Variants in RGL1 observed in about 807,000 individuals in gnomAD.
The protein encoded by RGL1 is ral guanine nucleotide dissociation stimulator like 1.
Under a neutral mutation model 95.2 loss-of-function variants are expected in RGL1, and 24 were observed. The ratio of observed to expected loss-of-function variants is 0.25; its 90% CI spans 0.18 to 0.35. RGL1 has a LOEUF of 0.35. Among genes scored for constraint, RGL1 ranks in the 10% least tolerant of loss-of-function variants. The pLI, the probability that RGL1 is intolerant of heterozygous loss-of-function variation, is 1.00. For missense variants in RGL1, 715 were observed against 936.3 expected, an observed-to-expected ratio of 0.76 and a Z score of 3.08; for synonymous variants, 329 against 344.9, an observed-to-expected ratio of 0.95 and a Z score of 0.51.
intron 10 of RGL1, among the ~76,000 whole-genome samples, chr1:183,899,916 G>A (rs185076126): frequency 1.0e-3 from 153 of 152,318 alleles, no homozygotes; most frequent in African/African-American, 3.5e-3. Flanking sequence ...TTGAACAGAT[G>A]TGTATGATCT....
In RGL1 at chr1:183,702,586, G is replaced by T. The variant is rs559952288; in HGVS notation, c.-32-39540G>T. 2.6e-5 allele frequency among the ~76,000 whole-genome samples: 4 copies of T among 152,286 alleles called. No homozygotes were observed. The East Asian group carries it at 7.7e-4, about 29-fold the overall frequency. On this transcript the variant is annotated intron_variant, in intron 1 of 18. Transcript: ENST00000304685. Reference sequence around the variant, plus strand: ...AGGCTACCAGTAAGGTTGGGCTGAGGCATTGTACTGGCTGTCAGGCGTGTC... The same window carrying T: ...AGGCTACCAGTAAGGTTGGGCTGAGTCATTGTACTGGCTGTCAGGCGTGTC...
chr1:183,767,456 T>G (rs1247017574), intron 2 of RGL1, among the ~76,000 whole-genome samples: 1 of 152,188 alleles, frequency 6.6e-6, no homozygotes, highest in South Asian at 2.1e-4. Context: ...GCTCCTGATA[T>G]GCAAATGAAT....
intron 10 of RGL1, among the ~76,000 whole-genome samples, chr1:183,899,806 T>C (rs112780370): frequency 0.031 from 4,716 of 152,304 alleles, 76 homozygotes; most frequent in South Asian, 0.045. Context: ...GACTATCCAG[T>C]GCCATCCCCA....
At chr1:183,811,267 G>A (rs1661694258) in intron 2 of RGL1, among the ~76,000 whole-genome samples, 1 of 152,108 alleles carries the variant, frequency 6.6e-6, no homozygotes, top group Non-Finnish European at 1.5e-5. Flanking sequence ...AGGTCCAGTT[G>A]TACTTCTCTT....
At chr1:183,728,864 T>A (rs1321374323) in intron 1 of RGL1, among the ~76,000 whole-genome samples, 1 of 152,164 alleles carries the variant, frequency 6.6e-6, no homozygotes, top group Non-Finnish European at 1.5e-5. Flanking sequence ...CTGACAAAGA[T>A]GCCAAGGTAA....
intron 2 of RGL1, among the ~76,000 whole-genome samples, chr1:183,777,077 G>C (rs183851959): frequency 1.3e-5 from 2 of 152,304 alleles, no homozygotes; most frequent in East Asian, 3.9e-4. Flanking sequence ...GATCGAAGCT[G>C]TCCTGAGCCA....
intron 2 of RGL1, among the ~76,000 whole-genome samples, chr1:183,776,296 C>T (rs965995696): frequency 5.3e-4 from 80 of 151,438 alleles, no homozygotes; most frequent in African/African-American, 1.9e-3. Flanking sequence ...CTACAGGCGC[C>T]CGCTACCACG....
At position 183,916,557 on chromosome 1, in the gene RGL1, C is replaced by T. The variant is rs764950266; in HGVS notation, c.1860C>T (p.Asn620=). The T allele has an allele frequency of 1.2e-6, 2 of 1,613,956 alleles. No individual in the cohort carries two copies. Among genetic ancestry groups the T allele is most frequent in the South Asian group, 2.2e-5 (2 of 91,030 alleles). ...CCTCCCCTCCGTCCTGCAACAACAACCCCAAAATCCACAAGCGCTCTGTCT... is the reference window on the plus strand; with the variant it reads ...CCTCCCCTCCGTCCTGCAACAACAATCCCAAAATCCACAAGCGCTCTGTCT... The part of the protein sequence containing the change: ...PLSSPPSCNN[N]PKIHKRSVSV... The change falls in exon 16 of 18, where the codon AAC becomes AAT. Residue 620 remains asparagine, a synonymous_variant. Coordinates refer to ENST00000360851, the MANE Select transcript of RGL1 (RefSeq NM_001297671.3).
chr1:183,900,179 G>C lies in RGL1; in HGVS notation c.1260G>C (p.Leu420=), dbSNP rs756650606. The change falls in exon 11 of 18, where the codon CTG becomes CTC. Residue 420 remains leucine, a synonymous_variant. Coordinates refer to ENST00000360851, the MANE Select transcript of RGL1 (RefSeq NM_001297671.3). ...TGATGCAGGGAACTGTGCCCTACCT[G>C]GGCACCTTCCTGACTGACCTGACCA... is the stretch of plus-strand genomic sequence containing the variant. ...MGVMQGTVPY[L]GTFLTDLTML... 1.2e-6 allele frequency: 2 copies of C among 1,613,734 alleles called. No individual in the cohort carries two copies. The highest frequency in any genetic ancestry group is 3.3e-5 in the Admixed American group (2 of 59,992).
rs1051262645 is a variant in RGL1 at position 183,773,732 on chromosome 1, G to A, written c.132+31443G>A. 5.9e-5 allele frequency among the ~76,000 whole-genome samples: 9 copies of A among 152,296 alleles called. No individual in the cohort carries two copies. The South Asian group carries it at 1.0e-3, about 18-fold the overall frequency. On this transcript the variant is annotated intron_variant, in intron 2 of 18. Transcript: ENST00000304685. ...TGATTTACCCTTGTGGTCAGGTCAC[G>A]CTTCCAAACTAACTCATTGTTGCCT...
At chr1:183,883,468 T>C (rs1666935256) in intron 5 of RGL1, among the ~76,000 whole-genome samples, 1 of 152,226 alleles carries the variant, frequency 6.6e-6, no homozygotes, top group Non-Finnish European at 1.5e-5. Context: ...GGAGCTGATC[T>C]GATCAAAAAG....
intron 2 of RGL1, among the ~76,000 whole-genome samples, chr1:183,757,995 G>T (rs954012579): frequency 6.6e-6 from 1 of 152,170 alleles, no homozygotes; most frequent in African/African-American, 2.4e-5. Flanking sequence ...TACCAATCTT[G>T]CTCTGTTAGA....
chr1:183,863,715 G>C (rs1253338733), intron 3 of RGL1, among the ~76,000 whole-genome samples: 1 of 152,182 alleles, frequency 6.6e-6, no homozygotes, highest in Non-Finnish European at 1.5e-5. Flanking sequence ...GATGGGTTGG[G>C]TGGAGAAGAG....
At chr1:183,735,689 C>A (rs770165737) in intron 1 of RGL1, among the ~76,000 whole-genome samples, 1 of 152,208 alleles carries the variant, frequency 6.6e-6, no homozygotes, top group Non-Finnish European at 1.5e-5. Flanking sequence ...CAAACACAAG[C>A]AACATTTAGT....
intron 2 of RGL1, among the ~76,000 whole-genome samples, chr1:183,797,475 G>T (rs1660757914): frequency 6.6e-6 from 1 of 152,206 alleles, no homozygotes; most frequent in Non-Finnish European, 1.5e-5. Context: ...CCCTAGGGCA[G>T]CCTCTTCTTT....
In RGL1 at chr1:183,836,563, C is replaced by T. The variant is rs74130648; in HGVS notation, c.139-11003C>T. 4.2e-3 allele frequency among the ~76,000 whole-genome samples: 635 copies of T among 152,222 alleles called. 5 individuals are homozygous for T. The highest frequency in any genetic ancestry group is 0.014 in the African/African-American group (579 of 41,528). The stretch of plus-strand genomic sequence containing the variant: ...GAATACAGGCGTGAGCCACTGCGCC[C>T]AGCCTTCAGTGTATGTTTCAAAGAG... On this transcript the variant is annotated intron_variant, in intron 2 of 17. Transcript: ENST00000360851.
chr1:183,886,637 C>G (rs966930752), intron 7 of RGL1, among the ~76,000 whole-genome samples: 6 of 152,018 alleles, frequency 3.9e-5, no homozygotes, highest in Non-Finnish European at 8.8e-5. Flanking sequence ...CTAATAAAGC[C>G]AAGGGCTCTT....
rs772130120 is a variant in RGL1, at chr1:183,883,790, G to A, written c.615G>A (p.Gly205=). Residue 205 remains glycine (G), a synonymous_variant, in exon 6 of 18, where the codon GGG becomes GGA. Transcript: ENST00000360851. ...FQKQEVETDN[G]LPNTISFSLE... ...ATCTTTTCCATATGTGAACAGATGG[G>A]CTTCCCAACACGATCTCCTTCAGCC... The A allele has an allele frequency of 1.2e-6, 2 of 1,613,984 alleles. No homozygotes were observed. Among genetic ancestry groups the A allele is most frequent in the South Asian group, 1.1e-5 (1 of 91,082 alleles).
chr1:183,899,635 G>A (rs1266279241), intron 10 of RGL1, among the ~76,000 whole-genome samples: 1 of 152,160 alleles, frequency 6.6e-6, no homozygotes, highest in Admixed American at 6.5e-5. Context: ...TTAAGGAAGA[G>A]TTTGCCAGGT....
Sources: gnomAD v4.1 joint callset for allele counts (sites outside exome capture counted in the v4.1 genomes callset) on GRCh38, gnomAD v4.1.1 for gene constraint, MANE v1.5 for transcripts, NCBI Gene and HGNC (gene_info 2026-07-23, HGNC 2026-07-21) for gene names.